The following SH3RF3 variants were observed in gnomAD, a reference collection of about 807,000 sequenced individuals.
SH3RF3 encodes E3 ubiquitin-protein ligase SH3RF3.
SH3RF3 carries 29 observed loss-of-function variants against 66.3 expected under a neutral mutation model. That is an observed-to-expected ratio of 0.44 (90% confidence interval 0.33 to 0.60). SH3RF3 has a LOEUF of 0.60. SH3RF3 is among the 20% of genes least tolerant of loss of function. The pLI is 0.04. For synonymous variants in SH3RF3, 583 were observed against 532.0 expected (o/e 1.10, Z -1.32); for missense variants, 1,194 against 1,190.9 (o/e 1.00, Z -0.04).
chr2:109,414,582 G>A (rs1399224368), intron 4 of SH3RF3, among the ~76,000 whole-genome samples: 1 of 152,114 alleles, frequency 6.6e-6, no homozygotes, highest in Non-Finnish European at 1.5e-5. Context: ...TAAGGGCTTT[G>A]CCACAAGACT....
intron 5 of SH3RF3, among the ~76,000 whole-genome samples, chr2:109,432,100 G>A (rs1229337177): frequency 1.3e-5 from 2 of 152,168 alleles, no homozygotes; most frequent in African/African-American, 4.8e-5. Context: ...GGTTTCCCTT[G>A]CTCAGAGCAT....
At chr2:109,419,045 G>C (rs1676801188) in intron 4 of SH3RF3, among the ~76,000 whole-genome samples, 1 of 152,106 alleles carries the variant, frequency 6.6e-6, no homozygotes, top group African/African-American at 2.4e-5. Flanking sequence ...GGGTCTTGGG[G>C]GGAGGGGGGC....
chr2:109,418,935 G>GC (rs950173764), intron 4 of SH3RF3, among the ~76,000 whole-genome samples: 19 of 152,000 alleles, frequency 1.3e-4, no homozygotes, highest in Non-Finnish European at 2.1e-4. Flanking sequence ...TCCTCCCTCG[G>GC]CCCCCCCACT....
intron 1 of SH3RF3, among the ~76,000 whole-genome samples, chr2:109,162,260 A>G (rs1243469645): frequency 6.6e-6 from 1 of 152,208 alleles, no homozygotes. Flanking sequence ...GTGGTGGAGC[A>G]TCTCAGCAGA....
chr2:109,491,805 A>G (rs1053415579), intron 9 of SH3RF3, among the ~76,000 whole-genome samples: 6 of 152,214 alleles, frequency 3.9e-5, no homozygotes, highest in Non-Finnish European at 7.3e-5. Context: ...CAACCTCCCA[A>G]AAAGACAGTC....
At chr2:109,342,056 C>G (rs1371273494) in intron 1 of SH3RF3, among the ~76,000 whole-genome samples, 1 of 152,244 alleles carries the variant, frequency 6.6e-6, no homozygotes, top group Non-Finnish European at 1.5e-5. Flanking sequence ...GTTCATCTTC[C>G]TGACACTTTT....
chr2:109,490,220 T>C (rs147395704), intron 8 of SH3RF3, among the ~76,000 whole-genome samples: 31 of 152,230 alleles, frequency 2.0e-4, no homozygotes, highest in African/African-American at 6.5e-4. Flanking sequence ...CCTTGGAAAA[T>C]AGAAATAATG....
chr2:109,491,559 A>G (rs1679132203), intron 9 of SH3RF3, among the ~76,000 whole-genome samples: 1 of 152,156 alleles, frequency 6.6e-6, no homozygotes, highest in South Asian at 2.1e-4. Context: ...GGTTGAGGCA[A>G]CATGGCCCAC....
chr2:109,314,235 A>G (rs4325780), intron 1 of SH3RF3, among the ~76,000 whole-genome samples: 47,438 of 152,030 alleles, frequency 0.31, 9,177 homozygotes, highest in African/African-American at 0.55. Flanking sequence ...TGTATATTTA[A>G]TGCTGCCTGC....
At chr2:109,450,345 CAAA>C (rs1181345676) in intron 8 of SH3RF3, among the ~76,000 whole-genome samples, 2 of 109,046 alleles carry the variant, frequency 1.8e-5, no homozygotes, top group Non-Finnish European at 4.1e-5. Flanking sequence ...GACTGCATCT[CAAA>C]AAAAAAAAAA....
intron 1 of SH3RF3, among the ~76,000 whole-genome samples, chr2:109,228,767 C>T (rs892378859): frequency 1.6e-4 from 24 of 152,144 alleles, no homozygotes; most frequent in African/African-American, 5.8e-4. Flanking sequence ...GCTTCCGTCT[C>T]TGTGGAGTTA....
intron 2 of SH3RF3, among the ~76,000 whole-genome samples, chr2:109,364,175 AT>A (rs887553250): frequency 1.5e-4 from 20 of 135,756 alleles, no homozygotes; most frequent in African/African-American, 4.7e-4. Context: ...TTTTTTTCTA[AT>A]TTTTTTTTTC....
chr2:109,129,358 CCACGCAGGCCGGTCGG>C lies in SH3RF3; in HGVS notation c.-182_-167del. The C allele has an allele frequency of 1.2e-5, 4 of 323,292 alleles. No homozygotes were observed. The highest frequency in any genetic ancestry group is 2.1e-5 in the Non-Finnish European group (4 of 187,236). 20.0% of individuals were successfully genotyped at this position (323,292 alleles called of 1,614,324 possible). On this transcript the variant is annotated 5_prime_UTR_variant, in exon 1 of 10. Coordinates refer to ENST00000309415, the MANE Select transcript of SH3RF3 (RefSeq NM_001099289.3). ...TCCCCGCCACGCAGGCCGGTCCCCG[CCACGCAGGCCGGTCGG>C]TGAGCCACTTCGCACCGCCACAGCC...
At position 109,129,573 on chromosome 2, in the gene SH3RF3, C is replaced by T. The variant is rs1160367963; in HGVS notation, c.33C>T (p.Ser11=). The T allele has an allele frequency of 1.3e-6, 2 of 1,487,050 alleles. No individual in the cohort carries two copies. Among genetic ancestry groups the T allele is most frequent in the Admixed American group, 4.6e-5 (2 of 43,610 alleles). The allele number at this position is 1,487,050 out of a possible 1,614,324, so 92.1% of individuals were successfully genotyped here. ...TCGGAGCGTCCTGGCTGTGCGCATCCAAGGCGGCCGCCGCTGCTGCGCAGA... is the reference window on the plus strand; with the variant it reads ...TCGGAGCGTCCTGGCTGTGCGCATCTAAGGCGGCCGCCGCTGCTGCGCAGA... MLLGASWLCA[S]KAAAAAAQSE... Residue 11 remains serine, a synonymous_variant, in exon 1 of 10, where the codon TCC becomes TCT. Coordinates refer to ENST00000309415, the MANE Select transcript of SH3RF3 (RefSeq NM_001099289.3).
At chr2:109,228,516 AGTTCT>A (rs1469457719) in intron 1 of SH3RF3, among the ~76,000 whole-genome samples, 2 of 152,200 alleles carry the variant, frequency 1.3e-5, no homozygotes, top group African/African-American at 4.8e-5. Flanking sequence ...TATTCAGTTC[AGTTCT>A]GACCCCTTCC....
Position 109,163,141 on chromosome 2 carries a change from A to G in SH3RF3, c.573+33028A>G, listed in dbSNP as rs143826772. The stretch of plus-strand genomic sequence containing the variant: ...CCACAGTGGAATTGCAGGACCCAGC[A>G]AGGAGATCCCACAGAGTCTGAGAAC... On this transcript the variant is annotated intron_variant, in intron 1 of 9. Transcript: ENST00000309415. Among the ~76,000 whole-genome samples, 1,215 of 152,314 alleles carry G rather than the reference A, an allele frequency of 8.0e-3. 74 individuals carry two copies. The highest frequency in any genetic ancestry group is 0.072 in the Admixed American group (1,104 of 15,294).
At chr2:109,394,586 G>A (rs1433045508) in intron 3 of SH3RF3, among the ~76,000 whole-genome samples, 4 of 152,230 alleles carry the variant, frequency 2.6e-5, no homozygotes, top group Non-Finnish European at 5.9e-5. Flanking sequence ...CATTTTGTAT[G>A]GAAGTTGAAA....
chr2:109,482,240 G>T (rs1678854000), intron 8 of SH3RF3, among the ~76,000 whole-genome samples: 2 of 152,160 alleles, frequency 1.3e-5, no homozygotes, highest in Non-Finnish European at 2.9e-5. Flanking sequence ...TTAGGACAGT[G>T]CCCGGCTCAT....
intron 1 of SH3RF3, among the ~76,000 whole-genome samples, chr2:109,305,673 C>T (rs1325114384): frequency 3.9e-5 from 6 of 152,236 alleles, no homozygotes; most frequent in Non-Finnish European, 7.3e-5. Context: ...CTCAGTTCCA[C>T]TGCATGCCTG....
Sources: gnomAD v4.1 joint callset for allele counts (sites outside exome capture counted in the v4.1 genomes callset) on GRCh38, gnomAD v4.1.1 for gene constraint, MANE v1.5 for transcripts, NCBI Gene and HGNC (gene_info 2026-07-23, HGNC 2026-07-21) for gene names.